TENM2: variants seen among roughly 807,000 people sequenced by gnomAD.
TENM2 encodes teneurin-2.
In TENM2, 52 loss-of-function variants were observed where a neutral mutation model predicts 245.2. The ratio of observed to expected loss-of-function variants is 0.21; its 90% confidence interval spans 0.17 to 0.27. TENM2 has a LOEUF of 0.27. Ranked by LOEUF, TENM2 falls within the 10% of genes least tolerant of loss-of-function variation. The pLI, the probability that TENM2 is intolerant of heterozygous loss-of-function variation, is 1.00. For missense variants in TENM2, 3,046 were observed against 3,666.8 expected, an observed-to-expected ratio of 0.83 and a Z score of 4.37; for synonymous variants, 1,363 against 1,438.9, an observed-to-expected ratio of 0.95 and a Z score of 1.19.
chr5:167,189,922 T>G, the TENM2 span, among the ~76,000 whole-genome samples: 1 of 152,170 alleles, frequency 6.6e-6, no homozygotes, highest in Non-Finnish European at 1.5e-5. Context: ...TGAATTAGAA[T>G]TTATTGAGGC....
intron 2 of TENM2, among the ~76,000 whole-genome samples, chr5:167,599,052 G>C (rs1776423468): frequency 6.6e-6 from 1 of 152,114 alleles, no homozygotes. Flanking sequence ...TTGGAGTAGA[G>C]GAACATGGAA....
intron 2 of TENM2, among the ~76,000 whole-genome samples, chr5:167,732,052 A>G (rs1389126882): frequency 2.0e-5 from 3 of 152,336 alleles, no homozygotes; most frequent in South Asian, 2.1e-4. Context: ...ATTTTGTGAT[A>G]CTGATCTTGT....
chr5:167,855,939 A>G (rs913949153), intron 2 of TENM2, among the ~76,000 whole-genome samples: 3 of 147,016 alleles, frequency 2.0e-5, no homozygotes, highest in Non-Finnish European at 4.5e-5. Flanking sequence ...GGGAGGAAAG[A>G]AAGAAGGGAT....
chr5:167,770,929 T>C (rs1264065090), intron 2 of TENM2, among the ~76,000 whole-genome samples: 1 of 152,064 alleles, frequency 6.6e-6, no homozygotes, highest in East Asian at 1.9e-4. Flanking sequence ...TCTTGGCAGG[T>C]TCCAAGTTGT....
chr5:167,346,172 G>T (rs2127827639), intron 1 of TENM2, among the ~76,000 whole-genome samples: 1 of 152,258 alleles, frequency 6.6e-6, no homozygotes, highest in South Asian at 2.1e-4. Flanking sequence ...CTACAGGAAA[G>T]GATCTCAACC....
intron 6 of TENM2, among the ~76,000 whole-genome samples, chr5:168,048,713 C>G (rs1349140187): frequency 6.6e-6 from 1 of 152,164 alleles, no homozygotes; most frequent in Non-Finnish European, 1.5e-5. Context: ...CATTAGTCAT[C>G]CTGAGATGCT....
chr5:168,162,543 A>G (rs1581497331), intron 12 of TENM2, 68 bp from the exon 15 acceptor site: 7 of 1,559,456 alleles, frequency 4.5e-6, no homozygotes, highest in East Asian at 2.3e-5. Flanking sequence ...TCCCCTCTGC[A>G]TGGCTCCCCT....
rs145063678 is a variant in TENM2 at position 167,964,143 on chromosome 5, T to A, written c.947+11321T>A. Among the ~76,000 whole-genome samples the A allele has an allele frequency of 3.0e-3, 460 of 152,304 alleles. 4 individuals carry two copies. Among genetic ancestry groups the A allele is most frequent in the Admixed American group, 5.8e-3 (88 of 15,300 alleles). On this transcript the variant is annotated intron_variant, in intron 4 of 28. Coordinates refer to ENST00000518659, the Ensembl canonical transcript of TENM2. ...TGCAATTCTTGTTCAATATCACCTATCTACTCCTTCCTCTGCTGAAAGTGA... is the reference window on the plus strand; with the variant it reads ...TGCAATTCTTGTTCAATATCACCTAACTACTCCTTCCTCTGCTGAAAGTGA...
chr5:167,841,061 A>ATT (rs34558112), intron 2 of TENM2, among the ~76,000 whole-genome samples: 67 of 147,868 alleles, frequency 4.5e-4, no homozygotes, highest in East Asian at 4.0e-3. Context: ...TGTCATCCTC[A>ATT]TTTTTTTTTT....
At chr5:167,659,138 G>A (rs1755040484) in intron 2 of TENM2, among the ~76,000 whole-genome samples, 1 of 152,204 alleles carries the variant, frequency 6.6e-6, no homozygotes, top group Admixed American at 6.5e-5. Context: ...AAGAGAGCCT[G>A]TTATGGTTTA....
chr5:167,894,123 T>TA (rs1774983280), intron 3 of TENM2, among the ~76,000 whole-genome samples: 1 of 152,220 alleles, frequency 6.6e-6, no homozygotes, highest in South Asian at 2.1e-4. Flanking sequence ...CTTTCTTATT[T>TA]ATCTTTGTAT....
the TENM2 span, among the ~76,000 whole-genome samples, chr5:167,227,729 GA>G: frequency 2.0e-5 from 3 of 152,112 alleles, no homozygotes; most frequent in Admixed American, 2.0e-4. Context: ...AATGTGCCAT[GA>G]AGAAGATCTT....
intron 9 of TENM2, 22 bp downstream of exon 11, chr5:168,098,149 C>T: frequency 6.4e-7 from 1 of 1,574,044 alleles, no homozygotes; most frequent in Non-Finnish European, 8.7e-7. Context: ...CACTTCCCTG[C>T]TATGGTTGGA....
the TENM2 span, among the ~76,000 whole-genome samples, chr5:167,011,867 G>T: frequency 2.6e-5 from 4 of 152,166 alleles, no homozygotes; most frequent in Non-Finnish European, 5.9e-5. Context: ...CTCTGTCTTA[G>T]TTGTGGAGAT....
At chr5:167,030,222 A>G in the TENM2 span, among the ~76,000 whole-genome samples, 4 of 152,136 alleles carry the variant, frequency 2.6e-5, 1 homozygote, top group South Asian at 8.3e-4. Context: ...ACTTCTCCTT[A>G]GGCAACAGAC....
chr5:167,869,122 C>T (rs2151330512), intron 2 of TENM2, among the ~76,000 whole-genome samples: 1 of 152,276 alleles, frequency 6.6e-6, no homozygotes, highest in Admixed American at 6.5e-5. Flanking sequence ...CTCCCTTGGG[C>T]TTTGGAGGAA....
chr5:168,217,820 T>G (rs546748332), intron 22 of TENM2, among the ~76,000 whole-genome samples: 1 of 152,232 alleles, frequency 6.6e-6, no homozygotes, highest in East Asian at 1.9e-4. Context: ...TGCAACCATA[T>G]GTAACAGCTC....
rs147413861 is a variant in TENM2, at chr5:167,935,577, G to A, written c.713-17011G>A. On this transcript the variant is annotated intron_variant, in intron 3 of 28. Coordinates refer to ENST00000518659, the Ensembl canonical transcript of TENM2. ...CAAAAGGATAAGGAGAGTAATGAAC[G>A]AGAGTGGCGGGTGGGAAAATAGCAT... 2.3e-3 allele frequency among the ~76,000 whole-genome samples: 354 copies of A among 152,310 alleles called. 3 individuals carry two copies. The highest frequency in any genetic ancestry group is 0.01 in the Middle Eastern group (3 of 294).
chr5:168,183,643 A>G (rs1760126591), intron 13 of TENM2, among the ~76,000 whole-genome samples: 2 of 151,710 alleles, frequency 1.3e-5, no homozygotes. Flanking sequence ...GCCCCAACTT[A>G]TTGCTTCTTC....
Sources: allele counts gnomAD v4.1 joint callset (sites outside exome capture counted in the v4.1 genomes callset), GRCh38; gene constraint gnomAD v4.1.1; transcripts MANE v1.5; gene names NCBI Gene and HGNC (gene_info 2026-07-23, HGNC 2026-07-21).